Variants in USP34 observed in about 807,000 individuals in gnomAD.
The protein encoded by USP34 is ubiquitin carboxyl-terminal hydrolase 34.
USP34 carries 70 observed loss-of-function variants against 460.3 expected under a neutral mutation model. The observed-to-expected ratio is 0.15, with a 90% CI of 0.13 to 0.19. USP34 has a LOEUF of 0.19. Among genes scored for constraint, USP34 ranks in the 10% least tolerant of loss-of-function variants. The probability of loss-of-function intolerance (pLI) is 1.00; values close to 1 mark genes in which losing one functional copy is unlikely to be tolerated. For synonymous variants in USP34, 1,647 were observed against 1,405.3 expected (o/e 1.17, Z -3.85); for missense variants, 3,985 against 4,236.2 (o/e 0.94, Z 1.65).
At chr2:61,265,318 T>C in intron 43 of USP34, 79 bp downstream of exon 43, 1 of 1,445,756 alleles carries the variant, frequency 6.9e-7, no homozygotes, top group Non-Finnish European at 9.4e-7. Context: ...AAACATTTAC[T>C]ACATTGAAAT....
intron 8 of USP34, among the ~76,000 whole-genome samples, chr2:61,370,893 T>C (rs2103837962): frequency 6.6e-6 from 1 of 152,334 alleles, no homozygotes; most frequent in African/African-American, 2.4e-5. Context: ...CACTTTTTAA[T>C]TTCCACAGTA....
At chr2:61,235,344 T>C (rs1361821836) in intron 57 of USP34, among the ~76,000 whole-genome samples, 5 of 96,122 alleles carry the variant, frequency 5.2e-5, no homozygotes, top group African/African-American at 2.0e-4. Flanking sequence ...TTTTTTTTTT[T>C]GAGATGGAGT....
rs1693029930 is a variant in USP34, at chr2:61,383,260, T to A, written c.821+9A>T. 3 of 1,582,572 alleles carry A rather than the reference T, an allele frequency of 1.9e-6. No homozygotes were observed. Among genetic ancestry groups the A allele is most frequent in the Non-Finnish European group, 2.6e-6 (3 of 1,165,374 alleles). On this transcript the variant is annotated intron_variant, in intron 6 of 79. Coordinates refer to ENST00000398571, the MANE Select transcript of USP34 (RefSeq NM_014709.4). ...GATAATCGGGGGTAAAGAAATTTTATAAACTTACCTAATAACATAGGTCCT... is the reference window on the plus strand; with the variant it reads ...GATAATCGGGGGTAAAGAAATTTTAAAAACTTACCTAATAACATAGGTCCT...
At chr2:61,312,665 A>G (rs1572924858) in intron 25 of USP34, among the ~76,000 whole-genome samples, 1 of 152,214 alleles carries the variant, frequency 6.6e-6, no homozygotes, top group East Asian at 1.9e-4. Context: ...ATTCAAGACC[A>G]GAGTTTCTCC....
rs76055773 is a variant in USP34, at chr2:61,447,781, T to A, written c.43+22869A>T. Among the ~76,000 whole-genome samples, 45 of 152,292 alleles carry A rather than the reference T, an allele frequency of 3.0e-4. 1 individual carries two copies. In the East Asian group the frequency reaches 8.5e-3, roughly 29 times the overall value. ...CCTAGGCTGGAGTGCAGTGGTGCAA[T>A]CTCGGCTTGCTGCAACCTCCGCCTA... On this transcript the variant is annotated intron_variant, in intron 1 of 79. Coordinates refer to ENST00000398571, the MANE Select transcript of USP34 (RefSeq NM_014709.4).
intron 3 of USP34, among the ~76,000 whole-genome samples, chr2:61,398,795 T>C (rs1229767958): frequency 4.6e-5 from 7 of 152,090 alleles, no homozygotes; most frequent in African/African-American, 7.2e-5. Context: ...CATACAGAAC[T>C]CAGAACATTT....
intron 18 of USP34, among the ~76,000 whole-genome samples, chr2:61,335,051 T>C (rs1477512463): frequency 6.6e-6 from 1 of 152,216 alleles, no homozygotes; most frequent in African/African-American, 2.4e-5. Context: ...TAAAACATTT[T>C]ATTAAAACTG....
intron 27 of USP34, among the ~76,000 whole-genome samples, chr2:61,304,864 A>G (rs936165705): frequency 6.6e-5 from 10 of 152,182 alleles, no homozygotes; most frequent in Non-Finnish European, 1.3e-4. Flanking sequence ...TCTTTTTAAC[A>G]TAATAACTGC....
At chr2:61,417,404 T>G in intron 2 of USP34, 1 of 482,652 alleles carries the variant, frequency 2.1e-6, no homozygotes, top group Non-Finnish European at 3.8e-6. Flanking sequence ...ACAGCCAAAG[T>G]TGTGACAGCT....
intron 1 of USP34, among the ~76,000 whole-genome samples, chr2:61,452,905 CAAAAAAAAAAA>C (rs57925421): frequency 8.4e-4 from 107 of 127,102 alleles, no homozygotes; most frequent in Middle Eastern, 4.0e-3. Flanking sequence ...ACCCCACAAC[CAAAAAAAAAAA>C]AAAAAAAAAA....
chr2:61,350,761 A>G, intron 10 of USP34, 68 bp from the exon 11 acceptor site: 1 of 1,503,486 alleles, frequency 6.7e-7, no homozygotes, highest in Non-Finnish European at 8.9e-7. Flanking sequence ...CCTGATATAA[A>G]AACAGTTTGA....
rs1417035697 is a variant in USP34 at position 61,295,216 on chromosome 2, A to G, written c.4329T>C (p.Ile1443=). ...SAHKLLYALE[I]IEALGKPNRR... ...TATTAGGTTTTCCCAGTGCTTCAAT[A>G]ATTTCCAGAGCATACAATAGCTTGT... The change falls in exon 31 of 80, where the codon ATT becomes ATC. Residue 1443 remains isoleucine (I), a synonymous_variant. Transcript: ENST00000398571. 4 of 1,612,524 alleles carry G rather than the reference A, an allele frequency of 2.5e-6. No individual in the cohort carries two copies. Among genetic ancestry groups the G allele is most frequent in the African/African-American group, 1.3e-5 (1 of 75,000 alleles).
At chr2:61,230,214 A>T (rs368123997) in intron 58 of USP34, among the ~76,000 whole-genome samples, 2 of 152,188 alleles carry the variant, frequency 1.3e-5, no homozygotes, top group African/African-American at 4.8e-5. Context: ...CAAGAATGTC[A>T]AACACTGCAG....
intron 22 of USP34, among the ~76,000 whole-genome samples, chr2:61,318,572 A>T (rs961399095): frequency 6.6e-6 from 1 of 152,226 alleles, no homozygotes; most frequent in Non-Finnish European, 1.5e-5. Flanking sequence ...AAGCATAAAA[A>T]AGTCTTACTG....
At chr2:61,329,950 A>G (rs1388098205) in intron 20 of USP34, among the ~76,000 whole-genome samples, 1 of 152,208 alleles carries the variant, frequency 6.6e-6, no homozygotes, top group African/African-American at 2.4e-5. Context: ...TGACAGATAG[A>G]AAGAATGAAC....
chr2:61,295,042 AG>A lies in USP34; in HGVS notation c.4378-11del, dbSNP rs1374742885. 1 of 1,609,378 alleles carries A rather than the reference AG, an allele frequency of 6.2e-7. No homozygotes were observed. The highest frequency in any genetic ancestry group is 2.2e-5 in the East Asian group (1 of 44,744). On this transcript the variant is annotated splice_polypyrimidine_tract_variant and intron_variant, in intron 31 of 79. Transcript: ENST00000398571. ...GATCACTGTAACTTCCCTATGAGAA[AG>A]GCAAAAAAAGTAAGGCAGAATGGCG...
intron 10 of USP34, among the ~76,000 whole-genome samples, chr2:61,364,788 T>C (rs1692380385): frequency 6.6e-6 from 1 of 151,338 alleles, no homozygotes; most frequent in Non-Finnish European, 1.5e-5. Context: ...AATTAGACAA[T>C]GTGGTGGTGC....
intron 1 of USP34, among the ~76,000 whole-genome samples, chr2:61,451,204 G>A (rs927414717): frequency 4.5e-5 from 5 of 112,340 alleles, no homozygotes; most frequent in African/African-American, 1.8e-4. Context: ...CCAGGTGACA[G>A]TGTGAGGCTT....
At chr2:61,244,065 C>G (rs949094246) in intron 51 of USP34, among the ~76,000 whole-genome samples, 2 of 151,780 alleles carry the variant, frequency 1.3e-5, no homozygotes, top group African/African-American at 4.8e-5. Context: ...TCATTAAAAT[C>G]TGGAATGTGT....
Sources: gnomAD v4.1 joint callset for allele counts (sites outside exome capture counted in the v4.1 genomes callset) on GRCh38, gnomAD v4.1.1 for gene constraint, MANE v1.5 for transcripts, NCBI Gene and HGNC (gene_info 2026-07-23, HGNC 2026-07-21) for gene names.